Variants in KCNK9 observed in about 807,000 individuals in gnomAD.
KCNK9 encodes the protein potassium two pore domain channel subfamily K member 9.
Under a neutral mutation model 10.8 loss-of-function variants are expected in KCNK9, and 1 was observed. The ratio of observed to expected loss-of-function variants is 0.09; its 90% CI spans 0.03 to 0.44. The LOEUF (loss-of-function observed/expected upper bound fraction) is 0.44. Ranked by LOEUF, KCNK9 falls within the 20% of genes least tolerant of loss-of-function variation. The pLI, the probability that KCNK9 is intolerant of heterozygous loss-of-function variation, is 0.97. For synonymous variants in KCNK9, 231 were observed against 222.7 expected, an observed-to-expected ratio of 1.04 and a Z score of -0.33; for missense variants, 303 against 515.0, an observed-to-expected ratio of 0.59 and a Z score of 3.98.
In KCNK9 at chr8:139,702,698, C is replaced by T. The variant is rs768312177; in HGVS notation, c.283+12G>A. The T allele has an allele frequency of 5.0e-6, 8 of 1,601,736 alleles. No homozygotes were observed. The highest frequency in any genetic ancestry group is 2.7e-5 in the African/African-American group (2 of 74,764). On this transcript the variant is annotated intron_variant, in intron 1 of 1. Coordinates refer to ENST00000520439, the MANE Select transcript of KCNK9 (RefSeq NM_001282534.2). This position sits in a 1 kb window ranked among gnomAD's most constrained non-coding sequence, Gnocchi z 7.5. ...CGGGGCGCGGGAGCCCAGCGGCGCG[C>T]CCAGCCCTTACCTATGGTGGTGATG...
At chr8:139,678,201 G>C (rs775230777) in intron 1 of KCNK9, among the ~76,000 whole-genome samples, 2 of 152,254 alleles carry the variant, frequency 1.3e-5, no homozygotes, top group Non-Finnish European at 2.9e-5. Flanking sequence ...GAAGGCACTG[G>C]AATCAAGATT....
At chr8:139,674,076 G>A (rs1311151040) in intron 1 of KCNK9, among the ~76,000 whole-genome samples, 4 of 152,204 alleles carry the variant, frequency 2.6e-5, no homozygotes, top group Admixed American at 6.5e-5. Context: ...GCCAACCCAC[G>A]TGGGGTGTAT....
intron 1 of KCNK9, among the ~76,000 whole-genome samples, chr8:139,700,485 T>TACACAC (rs374444340): frequency 0.055 from 7,875 of 142,800 alleles, 291 homozygotes; most frequent in East Asian, 0.15. Flanking sequence ...CACATACACA[T>TACACAC]ACACACACAC....
intron 1 of KCNK9, among the ~76,000 whole-genome samples, chr8:139,664,081 A>C (rs2129715118): frequency 6.6e-6 from 1 of 152,310 alleles, no homozygotes; most frequent in Middle Eastern, 3.4e-3. Flanking sequence ...CCAAGGCCAT[A>C]CACTAAGATT....
chr8:139,640,620 A>T (rs1469038), intron 1 of KCNK9, among the ~76,000 whole-genome samples: 149,673 of 152,320 alleles, frequency 0.98, 73,593 homozygotes, highest in Non-Finnish European at 1. Context: ...GGCCTGTGCA[A>T]CCTATAACCA....
At chr8:139,658,642 G>A (rs961844451) in intron 1 of KCNK9, among the ~76,000 whole-genome samples, 3 of 152,190 alleles carry the variant, frequency 2.0e-5, no homozygotes, top group Non-Finnish European at 2.9e-5. Flanking sequence ...AACAAGAACT[G>A]GGTCCTGGAT....
At chr8:139,626,708 G>T (rs1458632072) in intron 1 of KCNK9, among the ~76,000 whole-genome samples, 28 of 152,250 alleles carry the variant, frequency 1.8e-4, no homozygotes, top group Non-Finnish European at 2.9e-5. Context: ...GCACCGGAAG[G>T]AGATGGCCAT....
chr8:139,615,435 C>T (rs765379396), downstream of KCNK9, among the ~76,000 whole-genome samples: 12 of 152,062 alleles, frequency 7.9e-5, no homozygotes, highest in Admixed American at 6.6e-5. Context: ...TAACTTGGCC[C>T]CTGCCCTCCC....
chr8:139,659,476 A>AC (rs141690905), intron 1 of KCNK9, among the ~76,000 whole-genome samples: 34,524 of 151,610 alleles, frequency 0.23, 6,592 homozygotes, highest in East Asian at 0.66. Context: ...CTTGGACCCT[A>AC]CCCCTGTATT....
At chr8:139,662,648 A>G (rs768177210) in intron 1 of KCNK9, among the ~76,000 whole-genome samples, 92 of 152,046 alleles carry the variant, frequency 6.1e-4, no homozygotes, top group Non-Finnish European at 1.0e-3. Flanking sequence ...CTGCTCTTCC[A>G]GCTGCTCCTG....
intron 2 of KCNK9, among the ~76,000 whole-genome samples, chr8:139,604,507 C>T (rs1277476408): frequency 6.6e-6 from 1 of 152,130 alleles, no homozygotes; most frequent in Non-Finnish European, 1.5e-5. Flanking sequence ...AGAGCACAAG[C>T]CGGGCACGCA....
intron 1 of KCNK9, among the ~76,000 whole-genome samples, chr8:139,626,439 C>A (rs1469076276): frequency 6.6e-6 from 1 of 152,216 alleles, no homozygotes; most frequent in Non-Finnish European, 1.5e-5. Flanking sequence ...TCAAGCTGAG[C>A]TTTGAATTCC....
intron 1 of KCNK9, among the ~76,000 whole-genome samples, chr8:139,699,252 G>C (rs988620327): frequency 6.6e-6 from 1 of 152,174 alleles, no homozygotes; most frequent in African/African-American, 2.4e-5. Flanking sequence ...TTGGATCGTG[G>C]GGAGAGGCTA....
intron 1 of KCNK9, among the ~76,000 whole-genome samples, chr8:139,635,517 G>A (rs910385174): frequency 6.6e-6 from 1 of 152,172 alleles, no homozygotes; most frequent in African/African-American, 2.4e-5. Context: ...ATTTGACCTT[G>A]GGCAAGTCAC....
chr8:139,676,237 A>G (rs6578039), intron 1 of KCNK9, among the ~76,000 whole-genome samples: 85,091 of 152,140 alleles, frequency 0.56, 23,961 homozygotes, highest in Admixed American at 0.6. Flanking sequence ...GACTACTGCT[A>G]CATATCTATA....
downstream of KCNK9, among the ~76,000 whole-genome samples, chr8:139,612,841 G>C (rs937308955): frequency 4.6e-5 from 7 of 152,144 alleles, no homozygotes; most frequent in African/African-American, 1.4e-4. Flanking sequence ...GAAACAAGCA[G>C]AGGAGATCAC....
intron 2 of KCNK9, among the ~76,000 whole-genome samples, chr8:139,606,244 AC>A (rs1363200650): frequency 6.6e-6 from 1 of 152,182 alleles, no homozygotes; most frequent in African/African-American, 2.4e-5. Flanking sequence ...CATTTCTGCT[AC>A]AACTTTCCTG....
At chr8:139,673,353 T>C (rs562154082) in intron 1 of KCNK9, among the ~76,000 whole-genome samples, 4 of 152,358 alleles carry the variant, frequency 2.6e-5, no homozygotes, top group African/African-American at 9.6e-5. Flanking sequence ...GATTGTATGC[T>C]ATGTGAACGA....
chr8:139,681,596 T>TAGGTCGCTGACCTAA (rs1816689504), intron 1 of KCNK9, among the ~76,000 whole-genome samples: 1 of 152,158 alleles, frequency 6.6e-6, no homozygotes, highest in Admixed American at 6.5e-5. Flanking sequence ...TCGCTGGCTT[T>TAGGTCGCTGACCTAA]AGGAGGTCAC....
Sources: allele counts gnomAD v4.1 joint callset (sites outside exome capture counted in the v4.1 genomes callset), GRCh38; gene constraint gnomAD v4.1.1; non-coding constraint Gnocchi (gnomAD v3.1); transcripts MANE v1.5; gene names NCBI Gene and HGNC (gene_info 2026-07-23, HGNC 2026-07-21).